The following STK38 variants were observed in gnomAD, a reference collection of about 807,000 sequenced individuals.
STK38 encodes serine/threonine kinase 38.
Under a neutral mutation model 59.0 loss-of-function variants are expected in STK38, and 26 were observed. The observed-to-expected ratio is 0.44, with a 90% CI of 0.32 to 0.61. The LOEUF is 0.61. Ranked by LOEUF, STK38 falls within the 20% of genes least tolerant of loss-of-function variation. The pLI, the probability that STK38 is intolerant of heterozygous loss-of-function variation, is 0.04. For missense variants in STK38, 433 were observed against 566.0 expected (o/e 0.76, Z 2.38); for synonymous variants, 175 against 176.6 (o/e 0.99, Z 0.07).
chr6:36,545,699 C>T (rs1048542484), intron 1 of STK38, among the ~76,000 whole-genome samples: 1 of 152,168 alleles, frequency 6.6e-6, no homozygotes, highest in African/African-American at 2.4e-5. Context: ...TCAGGCTTTC[C>T]ACAATTCAAG....
chr6:36,533,053 G>A (rs1399803977), intron 2 of STK38, among the ~76,000 whole-genome samples: 1 of 139,990 alleles, frequency 7.1e-6, no homozygotes, highest in African/African-American at 2.7e-5. Flanking sequence ...GCAACAGAGT[G>A]AGACTCCATC....
At chr6:36,500,621 G>A (rs542659994) in intron 9 of STK38, among the ~76,000 whole-genome samples, 10 of 151,740 alleles carry the variant, frequency 6.6e-5, no homozygotes, top group African/African-American at 2.2e-4. Flanking sequence ...TTAGCTGGGC[G>A]TGGTGGTGTG....
At chr6:36,524,559 G>A in intron 3 of STK38, 96 bp from the exon 4 acceptor site, 1 of 1,275,960 alleles carries the variant, frequency 7.8e-7, no homozygotes. Flanking sequence ...CTAGAAAACA[G>A]GTCCAAGTGG....
At chr6:36,525,155 A>C (rs1485311397) in intron 3 of STK38, among the ~76,000 whole-genome samples, 1 of 152,186 alleles carries the variant, frequency 6.6e-6, no homozygotes, top group Non-Finnish European at 1.5e-5. Context: ...ACAGGTTGAT[A>C]GGTGCAGCAA....
chr6:36,500,126 T>C (rs1178375357), intron 9 of STK38, 136 bp from the exon 10 acceptor site: 9 of 658,040 alleles, frequency 1.4e-5, no homozygotes, highest in Non-Finnish European at 2.2e-5. Flanking sequence ...AGTAGCTTAA[T>C]GGCAAGCTCG....
intron 7 of STK38, among the ~76,000 whole-genome samples, chr6:36,513,816 C>A (rs1413591455): frequency 7.3e-6 from 1 of 136,080 alleles, no homozygotes; most frequent in African/African-American, 2.8e-5. Context: ...CCAGCCTGGG[C>A]AGCAAAGCGA....
chr6:36,522,123 C>T (rs1418283171), intron 4 of STK38: 2 of 200,894 alleles, frequency 1.0e-5, no homozygotes, highest in Non-Finnish European at 2.0e-5. Context: ...ACCTCTGACA[C>T]ATGTCATCCA....
At chr6:36,536,330 A>G (rs1777789442) in intron 2 of STK38, among the ~76,000 whole-genome samples, 1 of 152,106 alleles carries the variant, frequency 6.6e-6, no homozygotes, top group Non-Finnish European at 1.5e-5. Flanking sequence ...AATCTAAAAA[A>G]CTTCCAAAAT....
intron 9 of STK38, among the ~76,000 whole-genome samples, chr6:36,501,233 G>GT (rs1776830358): frequency 6.6e-6 from 1 of 152,092 alleles, no homozygotes; most frequent in Non-Finnish European, 1.5e-5. Context: ...GATTACAGGT[G>GT]TGAGCCACCG....
At chr6:36,537,096 T>G (rs1211557279) in intron 2 of STK38, among the ~76,000 whole-genome samples, 2 of 152,092 alleles carry the variant, frequency 1.3e-5, no homozygotes. Flanking sequence ...ACTCCATTTT[T>G]TTAAATGCTC....
intron 1 of STK38, among the ~76,000 whole-genome samples, chr6:36,546,065 T>A (rs1174129826): frequency 6.6e-6 from 1 of 152,242 alleles, no homozygotes; most frequent in Non-Finnish European, 1.5e-5. Flanking sequence ...GAGCTAAGAT[T>A]ATTGCTTAAG....
intron 7 of STK38, among the ~76,000 whole-genome samples, chr6:36,513,730 G>A (rs917899974): frequency 4.6e-5 from 7 of 151,632 alleles, no homozygotes; most frequent in East Asian, 1.9e-4. Flanking sequence ...AAAAAAGCAG[G>A]TGGTGGCTCA....
At chr6:36,502,548 TTTA>T (rs1400122103) in intron 9 of STK38, among the ~76,000 whole-genome samples, 2 of 152,326 alleles carry the variant, frequency 1.3e-5, no homozygotes, top group South Asian at 2.1e-4. Flanking sequence ...GCTTGTTATT[TTTA>T]TTGTGATTTT....
intron 7 of STK38, among the ~76,000 whole-genome samples, chr6:36,514,926 T>TA (rs1367078250): frequency 6.6e-6 from 1 of 151,920 alleles, no homozygotes; most frequent in African/African-American, 2.4e-5. Flanking sequence ...TGGACTTTGT[T>TA]ACAGGTTCTT....
chr6:36,542,431 G>GA (rs1232758040), intron 1 of STK38, among the ~76,000 whole-genome samples: 1 of 151,986 alleles, frequency 6.6e-6, no homozygotes, highest in Non-Finnish European at 1.5e-5. Context: ...TTTTACACAA[G>GA]AAAAAAACAC....
chr6:36,510,711 C>T (rs1777088587), intron 7 of STK38, among the ~76,000 whole-genome samples: 1 of 152,354 alleles, frequency 6.6e-6, no homozygotes, highest in South Asian at 2.1e-4. Flanking sequence ...AGTCAGGCAC[C>T]TTGATCAATG....
chr6:36,544,414 C>A (rs1194145349), intron 1 of STK38, among the ~76,000 whole-genome samples: 1 of 152,016 alleles, frequency 6.6e-6, no homozygotes, highest in Non-Finnish European at 1.5e-5. Context: ...GTACCCCCCC[C>A]TCCACCCACA....
chr6:36,495,788 T>C lies in STK38; in HGVS notation c.1394A>G (p.Lys465Arg). The C allele has an allele frequency of 6.2e-7, 1 of 1,613,934 alleles. No individual in the cohort carries two copies. Among genetic ancestry groups the C allele is most frequent in the Non-Finnish European group, 8.5e-7 (1 of 1,179,868 alleles). ...GAIPSYMKAA[K>R] ...TAGGATTCCGTGGCAAGAGTACTAT[T>C]TTGCTGCTTTCATGTAGGAAGGTAT... Residue 465 changes from lysine to arginine, a missense_variant, in exon 14 of 14, where the codon AAA becomes AGA. Lys to Arg is a conservative substitution (Grantham distance 26). Transcript: ENST00000229812.
intron 2 of STK38, among the ~76,000 whole-genome samples, chr6:36,539,696 T>C (rs1777884576): frequency 6.6e-6 from 1 of 151,972 alleles, no homozygotes; most frequent in Admixed American, 6.6e-5. Context: ...AGGGCTGCTA[T>C]TCCATTATAC....
Sources: allele counts gnomAD v4.1 joint callset (sites outside exome capture counted in the v4.1 genomes callset), GRCh38; gene constraint gnomAD v4.1.1; transcripts MANE v1.5; gene names NCBI Gene and HGNC (gene_info 2026-07-23, HGNC 2026-07-21).